The following MEDAG variants were observed in gnomAD, a reference collection of about 807,000 sequenced individuals.
MEDAG encodes mesenteric estrogen dependent adipogenesis.
MEDAG carries 25 observed loss-of-function variants against 29.9 expected under a neutral mutation model. The ratio of observed to expected loss-of-function variants is 0.84; its 90% CI spans 0.61 to 1.17. The LOEUF is 1.17. MEDAG is among the 50% of genes most tolerant of loss of function. The pLI is 0.00. For missense variants in MEDAG, 398 were observed against 372.9 expected, an observed-to-expected ratio of 1.07 and a Z score of -0.56; for synonymous variants, 158 against 148.2, an observed-to-expected ratio of 1.07 and a Z score of -0.48.
chr13:30,915,087 TTA>T (rs1170812669), intron 1 of MEDAG, among the ~76,000 whole-genome samples: 2 of 152,252 alleles, frequency 1.3e-5, no homozygotes, highest in South Asian at 4.1e-4. Context: ...TTTGTTATGT[TTA>T]TGTCAACCAG....
Position 30,917,466 on chromosome 13 carries a change from A to T in MEDAG, c.342A>T (p.Pro114=). The T allele has an allele frequency of 6.2e-7, 1 of 1,612,302 alleles. No individual in the cohort carries two copies. The highest frequency in any genetic ancestry group is 8.5e-7 in the Non-Finnish European group (1 of 1,178,324). Residue 114 remains proline, a synonymous_variant, in exon 2 of 5, where the codon CCA becomes CCT. Coordinates refer to ENST00000380482, the MANE Select transcript of MEDAG (RefSeq NM_032849.4). ...KDYRETILSK[P]MLFFINVQTK... ...ACAGGGAAACTATATTGAGCAAACC[A>T]ATGTTGTTCTTTATTAATGTACAGA...
intron 1 of MEDAG, among the ~76,000 whole-genome samples, chr13:30,915,036 G>T (rs1952914284): frequency 6.6e-6 from 1 of 152,144 alleles, no homozygotes; most frequent in Admixed American, 6.5e-5. Flanking sequence ...TGGGTCATAG[G>T]TGGAGCCTGC....
At chr13:30,921,167 G>A (rs1952981639) in intron 3 of MEDAG, 41 bp downstream of exon 3, 1 of 1,530,744 alleles carries the variant, frequency 6.5e-7, no homozygotes, top group South Asian at 1.1e-5. Flanking sequence ...TCAACCACAT[G>A]GAAGGAGCTT....
At chr13:30,919,223 A>C (rs780982181) in intron 2 of MEDAG, among the ~76,000 whole-genome samples, 1 of 152,246 alleles carries the variant, frequency 6.6e-6, no homozygotes, top group Non-Finnish European at 1.5e-5. Flanking sequence ...CACAAAGCTT[A>C]AGATGGTCAA....
chr13:30,917,558 C>A (rs1400221465), intron 2 of MEDAG, 46 bp downstream of exon 2: 3 of 1,027,002 alleles, frequency 2.9e-6, no homozygotes, highest in Non-Finnish European at 4.5e-6. Context: ...TAAAGAAATA[C>A]CTAAAACTGG....
At chr13:30,908,911 C>T (rs561721147) in intron 1 of MEDAG, 2 of 152,672 alleles carry the variant, frequency 1.3e-5, no homozygotes, top group African/African-American at 2.4e-5. Context: ...TTGCTTGAGT[C>T]CAGGACTTCG....
chr13:30,916,896 G>A (rs1208819653), intron 1 of MEDAG: 1 of 156,794 alleles, frequency 6.4e-6, no homozygotes, highest in Non-Finnish European at 1.4e-5. Flanking sequence ...ATGTGAACTA[G>A]TAATAGTTCA....
chr13:30,910,855 G>A (rs1208209532), intron 1 of MEDAG, among the ~76,000 whole-genome samples: 1 of 152,244 alleles, frequency 6.6e-6, no homozygotes, highest in Non-Finnish European at 1.5e-5. Flanking sequence ...CCTGCAGTGG[G>A]AAGTGCTGGG....
chr13:30,921,830 C>T lies in MEDAG; in HGVS notation c.771C>T (p.Phe257=), dbSNP rs767129856. ...GGAGCAGTTTCTCTGACCGAAAGTT[C>T]AGTGTAACTTCCAGAGGTATGTTAA... ...IRRSSFSDRK[F]SVTSRGSIDD... The change falls in exon 4 of 5, where the codon TTC becomes TTT. Residue 257 remains phenylalanine, a synonymous_variant. Coordinates refer to ENST00000380482, the MANE Select transcript of MEDAG (RefSeq NM_032849.4). The T allele has an allele frequency of 1.9e-6, 3 of 1,607,350 alleles. No individual in the cohort carries two copies. The South Asian group carries it at 3.4e-5, about 18-fold the overall frequency.
chr13:30,909,231 G>A (rs534791976), intron 1 of MEDAG: 88 of 152,222 alleles, frequency 5.8e-4, no homozygotes, highest in African/African-American at 2.0e-3. Context: ...TACTGCTGGA[G>A]TGGTAGATGG....
At chr13:30,917,541 AC>A in intron 2 of MEDAG, 29 bp downstream of exon 2, 1 of 1,204,128 alleles carries the variant, frequency 8.3e-7, no homozygotes. Flanking sequence ...CCATTTTCAC[AC>A]TGCTATAAAG....
At chr13:30,922,056 A>C in intron 4 of MEDAG, 1 of 505,462 alleles carries the variant, frequency 2.0e-6, no homozygotes, top group South Asian at 3.0e-5. Flanking sequence ...GTCTTCTGAC[A>C]TGAGGATTAC....
intron 1 of MEDAG, among the ~76,000 whole-genome samples, chr13:30,912,075 GT>G: frequency 6.6e-6 from 1 of 152,164 alleles, no homozygotes; most frequent in South Asian, 2.1e-4. Flanking sequence ...CTCAGTAATC[GT>G]TCCTTCCATG....
At chr13:30,907,724 T>C (rs904892201) in intron 1 of MEDAG, among the ~76,000 whole-genome samples, 1 of 152,186 alleles carries the variant, frequency 6.6e-6, no homozygotes, top group Non-Finnish European at 1.5e-5. Flanking sequence ...GACTCAGAAA[T>C]GAATAAGATA....
intron 1 of MEDAG, among the ~76,000 whole-genome samples, chr13:30,911,023 A>G (rs1952877269): frequency 6.6e-6 from 1 of 152,172 alleles, no homozygotes; most frequent in Non-Finnish European, 1.5e-5. Context: ...CCATGCATTG[A>G]GCTGTGAGAT....
chr13:30,921,160 A>G (rs1337728143), intron 3 of MEDAG, 34 bp downstream of exon 3: 4 of 1,558,034 alleles, frequency 2.6e-6, no homozygotes, highest in Non-Finnish European at 3.5e-6. Flanking sequence ...AGGGCTGTCA[A>G]CCACATGGAA....
rs780299554 is a variant in MEDAG at position 30,906,676 on chromosome 13, A to T, written c.161A>T (p.Gln54Leu). 4 of 1,553,616 alleles carry T rather than the reference A, an allele frequency of 2.6e-6. No homozygotes were observed. In the South Asian group the frequency reaches 3.5e-5, roughly 14 times the overall value. The change falls in exon 1 of 5, where the codon CAG becomes CTG. Residue 54 changes from glutamine to leucine, a missense_variant. By Grantham distance (113) the Gln-to-Leu change is moderately radical. Transcript: ENST00000380482. ...QPGAFQLSGD[Q>L]LVVARPGEPA... ...GGTGCCTTCCAGCTGAGCGGCGACC[A>T]GCTCGTGGTGGCCAGGCCCGGGGAG... is the stretch of plus-strand genomic sequence containing the variant.
In MEDAG at chr13:30,915,830, G is replaced by T. The variant is rs9576243; in HGVS notation, c.279-1573G>T. 5.4e-4 allele frequency among the ~76,000 whole-genome samples: 82 copies of T among 151,858 alleles called. 3 individuals are homozygous for T. In the East Asian group the frequency reaches 0.014, roughly 25 times the overall value. Reference sequence around the variant, plus strand: ...TAACACCCCAGCGCCCCACCCCAGCGCCCCTCCTCCATTCCCATCGTCCTC... The same window carrying T: ...TAACACCCCAGCGCCCCACCCCAGCTCCCCTCCTCCATTCCCATCGTCCTC... On this transcript the variant is annotated intron_variant, in intron 1 of 4. Coordinates refer to ENST00000380482, the MANE Select transcript of MEDAG (RefSeq NM_032849.4).
chr13:30,925,284 C>T lies in MEDAG; in HGVS notation c.*849C>T, dbSNP rs1010212769. The stretch of plus-strand genomic sequence containing the variant: ...AGAAAGCTATACCATTACCATAATA[C>T]ATTTTTCATCTCATGGCTACAATGG... On this transcript the variant is annotated 3_prime_UTR_variant, in exon 5 of 5. Transcript: ENST00000380482. 2 of 152,066 alleles carry T rather than the reference C, an allele frequency of 1.3e-5. No homozygotes were observed. Among genetic ancestry groups the T allele is most frequent in the African/African-American group, 4.8e-5 (2 of 41,400 alleles). The allele number at this position is 152,066 out of a possible 1,614,324, so 9.4% of individuals were successfully genotyped here.
Sources: allele counts gnomAD v4.1 joint callset (sites outside exome capture counted in the v4.1 genomes callset), GRCh38; gene constraint gnomAD v4.1.1; transcripts MANE v1.5; gene names NCBI Gene and HGNC (gene_info 2026-07-23, HGNC 2026-07-21).